Variants in PPP1R15A observed in about 807,000 individuals in gnomAD.
The protein encoded by PPP1R15A is growth arrest and DNA damage-inducible protein GADD34.
Under a neutral mutation model 48.5 loss-of-function variants are expected in PPP1R15A, and 43 were observed. The ratio of observed to expected loss-of-function variants is 0.89; its 90% confidence interval spans 0.69 to 1.14. The LOEUF is 1.14. Among genes scored for constraint, PPP1R15A ranks in the 50% most tolerant of loss-of-function variants. The pLI, the probability that PPP1R15A is intolerant of heterozygous loss-of-function variation, is 0.00. For synonymous variants in PPP1R15A, 327 were observed against 327.4 expected (o/e 1.00, Z 0.01); for missense variants, 868 against 847.2 (o/e 1.02, Z -0.30).
Position 48,874,983 on chromosome 19 carries a change from C to T in PPP1R15A, c.1665+85C>T, listed in dbSNP as rs530377587. 1,003 of 1,399,326 alleles carry T rather than the reference C, an allele frequency of 7.2e-4. 8 individuals carry two copies. In the South Asian group the frequency reaches 0.011, roughly 15 times the overall value. 86.7% of individuals were successfully genotyped at this position (1,399,326 alleles called of 1,614,324 possible). On this transcript the variant is annotated intron_variant, in intron 2 of 2. Transcript: ENST00000200453. ...GGCTGTCACCCAGGCTGGAGTGCAG[C>T]GGCATGATCTTGGCTCACTGCCAAC...
At chr19:48,872,679 C>A in intron 1 of PPP1R15A, 28 bp downstream of exon 1, 1 of 340,736 alleles carries the variant, frequency 2.9e-6, no homozygotes, top group Non-Finnish European at 5.9e-6. Flanking sequence ...ACGCCTGGGT[C>A]CCCACGGGGC....
Position 48,874,681 on chromosome 19 carries a change from G to T in PPP1R15A, c.1448G>T (p.Gly483Val). The change falls in exon 2 of 3, where the codon GGA becomes GTA. Residue 483 changes from glycine (G) to valine (V), a missense_variant. Physicochemically the swap from Gly to Val is moderately radical, Grantham distance 109. Transcript: ENST00000200453. ...CAGAGGGCCCACTTCAGGGGCTGGG[G>T]ATATCGACCTGGAAAAGAGACAGAG... ...PDQRAHFRGW[G>V]YRPGKETEEE... The T allele has an allele frequency of 6.2e-7, 1 of 1,613,810 alleles. No homozygotes were observed. The highest frequency in any genetic ancestry group is 8.5e-7 in the Non-Finnish European group (1 of 1,179,808).
chr19:48,875,621 T>C lies in PPP1R15A; in HGVS notation c.1673T>C (p.Phe558Ser). ...ETPLKARKVR[F>S]SEKVTVHFLA... ...CCCCATGTCTGCCCGCAGGTGCGCT[T>C]CTCCGAGAAGGTCACTGTCCATTTC... The change falls in exon 3 of 3, where the codon TTC becomes TCC. Residue 558 changes from phenylalanine to serine, a missense_variant. Physicochemically the swap from Phe to Ser is radical, Grantham distance 155. Transcript: ENST00000200453. 6.3e-7 allele frequency: 1 copy of C among 1,591,314 alleles called. No homozygotes were observed. Among genetic ancestry groups the C allele is most frequent in the Non-Finnish European group, 8.6e-7 (1 of 1,167,282 alleles).
chr19:48,875,257 A>G (rs594600), intron 2 of PPP1R15A: 115,870 of 330,988 alleles, frequency 0.35, 24,633 homozygotes, highest in African/African-American at 0.72. Context: ...GAGTCTTAGA[A>G]AGAAAGGGGG....
Position 48,875,071 on chromosome 19 carries a change from C to T in PPP1R15A, c.1665+173C>T, listed in dbSNP as rs595474. ...CCTCCAGAGTATCTGGGATTACAGG[C>T]GCATGACACCACACCCAGCTAATTT... On this transcript the variant is annotated intron_variant, in intron 2 of 2. Coordinates refer to ENST00000200453, the MANE Select transcript of PPP1R15A (RefSeq NM_014330.5). 0.13 allele frequency: 99,489 copies of T among 747,986 alleles called. 8,609 individuals are homozygous for T. Among genetic ancestry groups the T allele is most frequent in the African/African-American group, 0.35 (19,658 of 56,076 alleles). The allele number at this position is 747,986 out of a possible 1,614,324, so 46.3% of individuals were successfully genotyped here. A position where few individuals can be genotyped will look rare whatever the true frequency, so the allele number is the denominator to read the frequency against.
In PPP1R15A at chr19:48,875,865, C is replaced by T; in HGVS notation, c.1917C>T (p.Val639=). Residue 639 remains valine (V), a synonymous_variant, in exon 3 of 3, where the codon GTC becomes GTT. Coordinates refer to ENST00000200453, the MANE Select transcript of PPP1R15A (RefSeq NM_014330.5). The part of the protein sequence containing the change: ...ALTQTLPSSS[V]PSSPVQTTPL... ...CCCAGACCTTGCCTTCCTCCTCTGTCCCTTCGTCCCCAGTCCAGACCACGC... is the reference window on the plus strand; with the variant it reads ...CCCAGACCTTGCCTTCCTCCTCTGTTCCTTCGTCCCCAGTCCAGACCACGC... 1 of 1,614,166 alleles carries T rather than the reference C, an allele frequency of 6.2e-7. No homozygotes were observed. The highest frequency in any genetic ancestry group is 8.5e-7 in the Non-Finnish European group (1 of 1,180,004).
chr19:48,875,375 C>T lies in PPP1R15A; in HGVS notation c.1666-239C>T, dbSNP rs1599955666. On this transcript the variant is annotated intron_variant, in intron 2 of 2. Coordinates refer to ENST00000200453, the MANE Select transcript of PPP1R15A (RefSeq NM_014330.5). ...GCAATCCCTTGTAAGAGGCCAGGCC[C>T]CTGGGGGAGGAGGGAGCAGCTGTGG... The T allele has an allele frequency of 6.7e-6, 4 of 595,928 alleles. No homozygotes were observed. The East Asian group carries it at 1.1e-4, about 17-fold the overall frequency. 36.9% of individuals were successfully genotyped at this position (595,928 alleles called of 1,614,324 possible). A position where few individuals can be genotyped will look rare whatever the true frequency, so the allele number is the denominator to read the frequency against.
rs1355864250 is a variant in PPP1R15A at position 48,873,342 on chromosome 19, A to G, written c.109A>G (p.Arg37Gly). ...CCTCAGCCGCGCCTGGAGCCGCCTG[A>G]GGGGCCTGGGACCTCTAGAGCCCTG... ...GLLSRAWSRL[R>G]GLGPLEPWLV... Residue 37 changes from arginine to glycine, a missense_variant, in exon 2 of 3, where the codon AGG becomes GGG. By Grantham distance (125) the Arg-to-Gly change is moderately radical (BLOSUM62 -2). Coordinates refer to ENST00000200453, the MANE Select transcript of PPP1R15A (RefSeq NM_014330.5). 2 of 1,612,742 alleles carry G rather than the reference A, an allele frequency of 1.2e-6. No homozygotes were observed. Among genetic ancestry groups the G allele is most frequent in the East Asian group, 2.2e-5 (1 of 44,880 alleles).
Position 48,874,174 on chromosome 19 carries a change from T to G in PPP1R15A, c.941T>G (p.Val314Gly). 1 of 1,614,050 alleles carries G rather than the reference T, an allele frequency of 6.2e-7. No homozygotes were observed. The highest frequency in any genetic ancestry group is 8.5e-7 in the Non-Finnish European group (1 of 1,180,004). ...CCCAGTGATGAAGAGGAGGGTGAGG[T>G]CAAGGCTTTGGGGGCAGCTGAGAAG... is the stretch of plus-strand genomic sequence containing the variant. ...CQPSDEEEGE[V>G]KALGAAEKDG... Residue 314 changes from valine (V) to glycine (G), a missense_variant, in exon 2 of 3, where the codon GTC becomes GGC. By Grantham distance (109) the Val-to-Gly change is moderately radical. Transcript: ENST00000200453.
Position 48,876,010 on chromosome 19 carries a change from T to C in PPP1R15A, c.*37T>C, listed in dbSNP as rs1224006578. ...TTGCCTATAATTTATTAACTATTTA[T>C]TTTTTCTAAGTGTGGGTTTATATAA... On this transcript the variant is annotated 3_prime_UTR_variant, in exon 3 of 3. Transcript: ENST00000200453. The C allele has an allele frequency of 1.3e-6, 2 of 1,509,480 alleles. No individual in the cohort carries two copies. The highest frequency in any genetic ancestry group is 1.8e-6 in the Non-Finnish European group (2 of 1,129,558). 93.5% of individuals were successfully genotyped at this position (1,509,480 alleles called of 1,614,324 possible).
intron 2 of PPP1R15A, 66 bp from the exon 3 acceptor site, chr19:48,875,548 G>T (rs1031267425): frequency 2.0e-6 from 3 of 1,498,536 alleles, no homozygotes; most frequent in Non-Finnish European, 8.9e-7. Context: ...TCTCTTCCCC[G>T]CCCTCCCCAT....
rs2037050287 is a variant in PPP1R15A at position 48,874,284 on chromosome 19, G to A, written c.1051G>A (p.Glu351Lys). 6.2e-7 allele frequency: 1 copy of A among 1,614,114 alleles called. No individual in the cohort carries two copies. Among genetic ancestry groups the A allele is most frequent in the African/African-American group, 1.3e-5 (1 of 75,026 alleles). The stretch of plus-strand genomic sequence containing the variant: ...GGTGTATTGGCCAGGAGAGGACACA[G>A]AGGAAGAGGAAGATGAGGAAGAAGA... ...AWVYWPGEDT[E>K]EEEDEEEDED... Residue 351 changes from glutamate (E) to lysine (K), a missense_variant, in exon 2 of 3, where the codon GAG (glutamate) becomes AAG (lysine). Coordinates refer to ENST00000200453, the MANE Select transcript of PPP1R15A (RefSeq NM_014330.5).
intron 2 of PPP1R15A, 94 bp downstream of exon 2, chr19:48,874,992 C>T: frequency 7.4e-7 from 1 of 1,357,344 alleles, no homozygotes; most frequent in Non-Finnish European, 9.6e-7. Context: ...GCGGCATGAT[C>T]TTGGCTCACT....
chr19:48,873,124 A>G (rs2037028681), intron 1 of PPP1R15A, 101 bp from the exon 2 acceptor site: 1 of 1,397,792 alleles, frequency 7.2e-7, no homozygotes, highest in Non-Finnish European at 9.3e-7. Flanking sequence ...TGCTATTTAC[A>G]ATAGTTGTGT....
chr19:48,874,924 T>C (rs749134444), intron 2 of PPP1R15A, 26 bp downstream of exon 2: 4 of 228,196 alleles, frequency 1.8e-5, no homozygotes, highest in Non-Finnish European at 2.7e-5. Flanking sequence ...CCAGATTCTA[T>C]TTTTTTTTTT....
Position 48,874,492 on chromosome 19 carries a change from C to T in PPP1R15A, c.1259C>T (p.Ala420Val), listed in dbSNP as rs147687948. The T allele has an allele frequency of 7.3e-4, 1,186 of 1,613,846 alleles. 2 individuals are homozygous for T. The highest frequency in any genetic ancestry group is 5.0e-4 in the Non-Finnish European group (589 of 1,179,948). ...AEDEREAETSASTPPASAFLK... is the reference protein window; with the variant it reads ...AEDEREAETSVSTPPASAFLK... Reference sequence around the variant, plus strand: ...GATGAAAGAGAAGCTGAGACTTCTGCTTCCACACCCCCTGCAAGTGCTTTC... The same window carrying T: ...GATGAAAGAGAAGCTGAGACTTCTGTTTCCACACCCCCTGCAAGTGCTTTC... The change falls in exon 2 of 3, where the codon GCT becomes GTT. Residue 420 changes from alanine to valine, a missense_variant. Physicochemically the swap from Ala to Val is moderately conservative, Grantham distance 64. Coordinates refer to ENST00000200453, the MANE Select transcript of PPP1R15A (RefSeq NM_014330.5).
rs897075419 is a variant in PPP1R15A at position 48,875,606 on chromosome 19, G to T, written c.1666-8G>T. 6.3e-7 allele frequency: 1 copy of T among 1,582,266 alleles called. No homozygotes were observed. Among genetic ancestry groups the T allele is most frequent in the East Asian group, 2.3e-5 (1 of 44,376 alleles). On this transcript the variant is annotated splice_region_variant and splice_polypyrimidine_tract_variant and intron_variant, in intron 2 of 2. Coordinates refer to ENST00000200453, the MANE Select transcript of PPP1R15A (RefSeq NM_014330.5). ...ATCTCCTGCCTGTGTCCCCATGTCT[G>T]CCCGCAGGTGCGCTTCTCCGAGAAG... is the stretch of plus-strand genomic sequence containing the variant.
chr19:48,874,747 G>A lies in PPP1R15A; in HGVS notation c.1514G>A (p.Cys505Tyr), dbSNP rs747908713. Residue 505 changes from cysteine to tyrosine, a missense_variant, in exon 2 of 3, where the codon TGC becomes TAC. Transcript: ENST00000200453. ...AAEDWGEAEP[C>Y]PFRVAIYVPG... ...GAGGACTGGGGAGAAGCTGAGCCCT[G>A]CCCCTTCCGAGTGGCCATCTATGTA... 1 of 1,613,894 alleles carries A rather than the reference G, an allele frequency of 6.2e-7. No individual in the cohort carries two copies. Among genetic ancestry groups the A allele is most frequent in the African/African-American group, 1.3e-5 (1 of 74,840 alleles).
chr19:48,875,796 G>C lies in PPP1R15A; in HGVS notation c.1848G>C (p.Trp616Cys), dbSNP rs761985375. 21 of 1,613,880 alleles carry C rather than the reference G, an allele frequency of 1.3e-5. 1 individual carries two copies. The highest frequency in any genetic ancestry group is 4.5e-5 in the East Asian group (2 of 44,866). ...CCCCTGCTGCCCGGGCCAGAGCCTG[G>C]GCACGCCTCAGGAACCCACCTTTAG... ...CLTPAARARA[W>C]ARLRNPPLAP... Residue 616 changes from tryptophan (W) to cysteine (C), a missense_variant, in exon 3 of 3, where the codon TGG becomes TGC. By Grantham distance (215) the Trp-to-Cys change is radical (BLOSUM62 -2). Transcript: ENST00000200453.
Sources: allele counts gnomAD v4.1 joint callset, GRCh38; gene constraint gnomAD v4.1.1; transcripts MANE v1.5; gene names NCBI Gene and HGNC (gene_info 2026-07-23, HGNC 2026-07-21).